The following CDK5RAP2 variants were observed in gnomAD, a reference collection of about 807,000 sequenced individuals.
CDK5RAP2 encodes the protein CDK5 regulatory subunit associated protein 2.
CDK5RAP2 carries 147 observed loss-of-function variants against 232.9 expected under a neutral mutation model. That is an observed-to-expected ratio of 0.63 (90% CI 0.55 to 0.72). The LOEUF (loss-of-function observed/expected upper bound fraction) is 0.72, where lower values mean the gene tolerates loss of function less well. Among genes scored for constraint, CDK5RAP2 ranks in the 30% least tolerant of loss-of-function variants. CDK5RAP2 has a pLI of 0.00. For synonymous variants in CDK5RAP2, 833 were observed against 833.7 expected (o/e 1.00, Z 0.01); for missense variants, 2,195 against 2,231.5 (o/e 0.98, Z 0.33).
intron 36 of CDK5RAP2, among the ~76,000 whole-genome samples, chr9:120,392,930 C>T (rs1438423078): frequency 6.6e-6 from 1 of 152,220 alleles, no homozygotes; most frequent in Non-Finnish European, 1.5e-5. Context: ...CACGCATGGA[C>T]CCCGCCGGTC....
At chr9:120,411,953 T>G (rs1006465677) in intron 28 of CDK5RAP2, among the ~76,000 whole-genome samples, 32 of 150,344 alleles carry the variant, frequency 2.1e-4, no homozygotes, top group African/African-American at 7.9e-4. Context: ...CTAAACCCCT[T>G]TCTCTTCCAC....
chr9:120,440,317 G>C, intron 23 of CDK5RAP2: 2 of 319,884 alleles, frequency 6.3e-6, no homozygotes, highest in Non-Finnish European at 1.2e-5. Flanking sequence ...TCTAGTTCCA[G>C]GCAACCTTTC....
chr9:120,434,339 G>C (rs1438428379), intron 25 of CDK5RAP2, among the ~76,000 whole-genome samples: 3 of 152,144 alleles, frequency 2.0e-5, no homozygotes, highest in Admixed American at 2.0e-4. Flanking sequence ...GGAAGCAGGA[G>C]AGGGTGGGGC....
At chr9:120,473,362 T>C (rs564366894) in intron 15 of CDK5RAP2, among the ~76,000 whole-genome samples, 1 of 152,342 alleles carries the variant, frequency 6.6e-6, no homozygotes, top group South Asian at 2.1e-4. Context: ...TTGTGGATTT[T>C]TCTAGGGAGA....
At position 120,437,328 on chromosome 9, in the gene CDK5RAP2, G is replaced by C. The variant is rs765512094; in HGVS notation, c.3922C>G (p.Leu1308Val). Reference sequence around the variant, plus strand: ...AATAGCTTTTCCAATTTCTCCAGCAGCTCAGCACATTGATTCAGCTGTTCC... The same window carrying C: ...AATAGCTTTTCCAATTTCTCCAGCACCTCAGCACATTGATTCAGCTGTTCC... The part of the protein sequence containing the change: ...FQEQLNQCAE[L>V]LEKLEKLFLN... Residue 1308 changes from leucine to valine, a missense_variant, in exon 25 of 38, where the codon CTG (leucine) becomes GTG (valine). By Grantham distance (32) the Leu-to-Val change is conservative. Coordinates refer to ENST00000349780, the MANE Select transcript of CDK5RAP2 (RefSeq NM_018249.6). 5 of 1,613,830 alleles carry C rather than the reference G, an allele frequency of 3.1e-6. No homozygotes were observed. In the South Asian group the frequency reaches 5.5e-5, roughly 18 times the overall value.
At chr9:120,499,164 A>C (rs2039456913) in intron 12 of CDK5RAP2, among the ~76,000 whole-genome samples, 1 of 152,236 alleles carries the variant, frequency 6.6e-6, no homozygotes, top group African/African-American at 2.4e-5. Context: ...TTTAATGTGA[A>C]AATGGTACTT....
intron 14 of CDK5RAP2, among the ~76,000 whole-genome samples, chr9:120,479,948 A>C (rs764793886): frequency 2.2e-4 from 34 of 152,190 alleles, no homozygotes; most frequent in Non-Finnish European, 4.3e-4. Flanking sequence ...AGAAATATAC[A>C]CTAGCACATT....
intron 1 of CDK5RAP2, among the ~76,000 whole-genome samples, chr9:120,574,134 T>G (rs2042949384): frequency 6.6e-6 from 1 of 152,230 alleles, no homozygotes; most frequent in South Asian, 2.1e-4. Flanking sequence ...CACTGAAGTT[T>G]GAAAAATGAC....
At chr9:120,426,075 A>C (rs1026268478) in intron 25 of CDK5RAP2, among the ~76,000 whole-genome samples, 1 of 152,214 alleles carries the variant, frequency 6.6e-6, no homozygotes, top group Non-Finnish European at 1.5e-5. Context: ...AAGACACTTA[A>C]GGGACTCTGG....
At chr9:120,408,261 C>A (rs780214417) in intron 31 of CDK5RAP2, 86 bp downstream of exon 31, 1 of 1,531,466 alleles carries the variant, frequency 6.5e-7, no homozygotes, top group South Asian at 1.1e-5. Flanking sequence ...GAGGGCTGAG[C>A]TCTGCCCTCC....
chr9:120,489,432 C>A (rs1465404643), intron 13 of CDK5RAP2, among the ~76,000 whole-genome samples: 1 of 149,914 alleles, frequency 6.7e-6, no homozygotes, highest in East Asian at 1.9e-4. Flanking sequence ...TGAAAACTTC[C>A]TTTCCTCTGT....
chr9:120,463,619 C>A (rs559974391), intron 18 of CDK5RAP2, among the ~76,000 whole-genome samples: 38 of 152,280 alleles, frequency 2.5e-4, no homozygotes, highest in African/African-American at 7.9e-4. Flanking sequence ...GAAGGGTTTC[C>A]TCTAAGCTTA....
rs545615419 is a variant in CDK5RAP2 at position 120,501,723 on chromosome 9, T to G, written c.1312-10246A>C. On this transcript the variant is annotated intron_variant, in intron 12 of 37. Transcript: ENST00000349780. The stretch of plus-strand genomic sequence containing the variant: ...TACCAGACATATGAGTGAAGAATCA[T>G]GGACCCTCCAGTCCACCCCATCCAC... Among the ~76,000 whole-genome samples, 7 of 152,274 alleles carry G rather than the reference T, an allele frequency of 4.6e-5. No individual in the cohort carries two copies. The East Asian group carries it at 9.6e-4, about 21-fold the overall frequency.
chr9:120,432,149 A>T (rs888377579), intron 25 of CDK5RAP2, among the ~76,000 whole-genome samples: 2 of 152,236 alleles, frequency 1.3e-5, no homozygotes, highest in Admixed American at 1.3e-4. Flanking sequence ...AAATGGGAAC[A>T]ATCTGAATGT....
intron 1 of CDK5RAP2, among the ~76,000 whole-genome samples, chr9:120,577,793 T>G (rs544570682): frequency 5.3e-5 from 8 of 152,242 alleles, no homozygotes; most frequent in African/African-American, 1.9e-4. Context: ...AAGGGGTTGT[T>G]AAGTAGCAGA....
chr9:120,467,566 T>A (rs988259523), intron 18 of CDK5RAP2, among the ~76,000 whole-genome samples: 6 of 152,204 alleles, frequency 3.9e-5, no homozygotes, highest in Non-Finnish European at 7.3e-5. Flanking sequence ...TACATATATA[T>A]AAATATATGG....
At chr9:120,559,913 C>A (rs1233413421) in intron 3 of CDK5RAP2, among the ~76,000 whole-genome samples, 1 of 152,170 alleles carries the variant, frequency 6.6e-6, no homozygotes, top group Non-Finnish European at 1.5e-5. Flanking sequence ...AAAGCCTTGC[C>A]TAGCCTGAAG....
chr9:120,559,801 G>A (rs973025918), intron 3 of CDK5RAP2, among the ~76,000 whole-genome samples: 1 of 152,148 alleles, frequency 6.6e-6, no homozygotes, highest in Non-Finnish European at 1.5e-5. Flanking sequence ...ACAGGGTGGT[G>A]CTTTCTGAAA....
At chr9:120,513,128 C>T (rs529787810) in intron 12 of CDK5RAP2, among the ~76,000 whole-genome samples, 1 of 152,164 alleles carries the variant, frequency 6.6e-6, no homozygotes, top group Non-Finnish European at 1.5e-5. Flanking sequence ...CCAAGTCAAG[C>T]CCCAGAAGCT....
Sources: allele counts gnomAD v4.1 joint callset (sites outside exome capture counted in the v4.1 genomes callset), GRCh38; gene constraint gnomAD v4.1.1; transcripts MANE v1.5; gene names NCBI Gene and HGNC (gene_info 2026-07-23, HGNC 2026-07-21).